NFASC: variants seen among roughly 807,000 people sequenced by gnomAD.
NFASC encodes neurofascin homolog.
A neutral mutation model predicts 147.5 loss-of-function variants in NFASC; 43 were observed. The ratio of observed to expected loss-of-function variants is 0.29; its 90% CI spans 0.23 to 0.38. The LOEUF is 0.38. Ranked by LOEUF, NFASC falls within the 10% of genes least tolerant of loss-of-function variation. The pLI, the probability that NFASC is intolerant of heterozygous loss-of-function variation, is 1.00. For synonymous variants in NFASC, 622 were observed against 665.5 expected (o/e 0.93, Z 1.01); for missense variants, 1,320 against 1,689.0 (o/e 0.78, Z 3.83).
At chr1:204,857,134 GT>G (rs1238290149) in intron 1 of NFASC, among the ~76,000 whole-genome samples, 1 of 152,314 alleles carries the variant, frequency 6.6e-6, no homozygotes, top group African/African-American at 2.4e-5. Flanking sequence ...ACCATGTTAT[GT>G]TCCCACCAGC....
Position 204,968,361 on chromosome 1 carries a change from G to T in NFASC, c.818+1G>T. 1 of 1,612,058 alleles carries T rather than the reference G, an allele frequency of 6.2e-7. No individual in the cohort carries two copies. Among genetic ancestry groups the T allele is most frequent in the Non-Finnish European group, 8.5e-7 (1 of 1,178,106 alleles). On this transcript the variant is annotated splice_donor_variant, in intron 9 of 29. Coordinates refer to ENST00000339876, the MANE Select transcript of NFASC (RefSeq NM_001005388.3). LOFTEE classifies it high-confidence loss of function. This position sits in a 1 kb window ranked among gnomAD's most constrained non-coding sequence, Gnocchi z 5.4. The stretch of plus-strand genomic sequence containing the variant: ...TGCTGGAATGCATCGCCTCCGGGGT[G>T]TATGTGCGGTTTGCAGCCCCTCTTC...
chr1:204,996,068 AAT>A (rs1431248100), intron 24 of NFASC, among the ~76,000 whole-genome samples: 4 of 152,144 alleles, frequency 2.6e-5, no homozygotes, highest in African/African-American at 9.6e-5. Context: ...AGCTTTAGCA[AAT>A]ATTAGATCTG....
chr1:204,870,682 C>G, intron 1 of NFASC: 1 of 1,080,258 alleles, frequency 9.3e-7, no homozygotes, highest in Non-Finnish European at 1.1e-6. Flanking sequence ...AGCGAGTGAG[C>G]AAGCCGGCCG....
chr1:204,995,741 G>T (rs1308307774), intron 24 of NFASC, among the ~76,000 whole-genome samples: 1 of 152,070 alleles, frequency 6.6e-6, no homozygotes, highest in Admixed American at 6.5e-5. Flanking sequence ...GGAATGAAAG[G>T]GCTTTTGCTG....
intron 27 of NFASC, chr1:205,008,599 C>A (rs72755537): frequency 0.067 from 10,242 of 152,686 alleles, 467 homozygotes; most frequent in South Asian, 0.13. Context: ...ACCACACCCC[C>A]CCTCCCAAAC....
chr1:204,909,493 T>C (rs1195109929), intron 1 of NFASC, among the ~76,000 whole-genome samples: 3 of 152,242 alleles, frequency 2.0e-5, no homozygotes, highest in African/African-American at 7.2e-5. Context: ...TCACATATTC[T>C]AGAACTAGTT....
intron 1 of NFASC, among the ~76,000 whole-genome samples, chr1:204,863,826 T>C (rs1048542343): frequency 9.8e-5 from 12 of 121,922 alleles, no homozygotes; most frequent in African/African-American, 3.9e-4. Flanking sequence ...CCAGCCTAGG[T>C]GAAAAAGCAA....
chr1:204,885,820 A>G (rs975872513), intron 1 of NFASC, among the ~76,000 whole-genome samples: 32 of 152,176 alleles, frequency 2.1e-4, no homozygotes, highest in African/African-American at 7.0e-4. Context: ...TGGTGAGACT[A>G]TTCCACTCCT....
chr1:205,008,594 AC>A (rs36043149), intron 27 of NFASC: 59,176 of 151,730 alleles, frequency 0.39, 12,695 homozygotes, highest in Non-Finnish European at 0.5. Context: ...TACTGACCAC[AC>A]CCCCCCTCCC....
chr1:204,996,826 T>G (rs574801966), intron 24 of NFASC, among the ~76,000 whole-genome samples: 1 of 152,274 alleles, frequency 6.6e-6, no homozygotes, highest in South Asian at 2.1e-4. Flanking sequence ...TGGCCAGTGT[T>G]TGGCCTGGGG....
intron 2 of NFASC, among the ~76,000 whole-genome samples, chr1:204,940,401 C>T (rs1449612681): frequency 2.0e-5 from 3 of 152,082 alleles, no homozygotes; most frequent in Non-Finnish European, 2.9e-5. Context: ...TGCAGTGAGC[C>T]GAGATCATGC....
intron 27 of NFASC, among the ~76,000 whole-genome samples, chr1:205,005,578 T>C (rs2096088174): frequency 6.6e-6 from 1 of 152,228 alleles, no homozygotes; most frequent in Non-Finnish European, 1.5e-5. Flanking sequence ...GAAACAAGTT[T>C]AACAGACCGA....
chr1:204,952,729 G>A (rs754900384), intron 5 of NFASC, among the ~76,000 whole-genome samples: 9 of 152,188 alleles, frequency 5.9e-5, no homozygotes, highest in African/African-American at 7.2e-5. Context: ...GATAAGCATC[G>A]GAGACATGAC....
chr1:204,895,240 C>T (rs950402648), intron 1 of NFASC, among the ~76,000 whole-genome samples: 1 of 152,166 alleles, frequency 6.6e-6, no homozygotes, highest in African/African-American at 2.4e-5. Context: ...CATATGACCC[C>T]TGCCTGTCCC....
intron 1 of NFASC, among the ~76,000 whole-genome samples, chr1:204,855,029 A>G (rs1455339754): frequency 6.6e-6 from 1 of 152,210 alleles, no homozygotes; most frequent in Non-Finnish European, 1.5e-5. Flanking sequence ...TCCTGACAGC[A>G]CTGCAAGGTA....
intron 3 of NFASC, chr1:204,944,754 C>T (rs531867218): frequency 9.7e-5 from 26 of 268,422 alleles, no homozygotes; most frequent in African/African-American, 5.6e-4. Flanking sequence ...GTGGTCTTGA[C>T]TTGCCCATGA....
chr1:204,968,168 C>A lies in NFASC; in HGVS notation c.707-81C>A. 1 of 1,023,984 alleles carries A rather than the reference C, an allele frequency of 9.8e-7. No individual in the cohort carries two copies. The highest frequency in any genetic ancestry group is 1.5e-6 in the Non-Finnish European group (1 of 650,980). 63.4% of individuals were successfully genotyped at this position (1,023,984 alleles called of 1,614,324 possible). A position where few individuals can be genotyped will look rare whatever the true frequency, so the allele number is the denominator to read the frequency against. ...TCCGGCAGGGGCGGTGATGCCACTT[C>A]TCTCTAGCCTGACAGCGTTGGCCTA... On this transcript the variant is annotated intron_variant, in intron 8 of 29. Coordinates refer to ENST00000339876, the MANE Select transcript of NFASC (RefSeq NM_001005388.3). This position sits in a 1 kb window ranked among gnomAD's most constrained non-coding sequence, Gnocchi z 5.4.
At chr1:204,952,542 G>C (rs375848651) in intron 5 of NFASC, among the ~76,000 whole-genome samples, 1 of 152,198 alleles carries the variant, frequency 6.6e-6, no homozygotes, top group East Asian at 1.9e-4. Flanking sequence ...CCTGTTGTGT[G>C]TGTGTCCGGG....
rs2095470209 is a variant in NFASC at position 204,979,309 on chromosome 1, A to T, written c.1979-53A>T. On this transcript the variant is annotated intron_variant, in intron 18 of 29. Transcript: ENST00000339876. The surrounding 1 kb of genome is among the most constrained non-coding windows in gnomAD (Gnocchi z 6.0). ...GCCAAGAAGGAAGTGCTTTTAAAGA[A>T]GACCACTGCTAACTGAGCTCCCGAA... The T allele has an allele frequency of 7.1e-7, 1 of 1,402,618 alleles. No individual in the cohort carries two copies. The highest frequency in any genetic ancestry group is 1.2e-5 in the South Asian group (1 of 86,762). 86.9% of individuals were successfully genotyped at this position (1,402,618 alleles called of 1,614,324 possible).
Sources: gnomAD v4.1 joint callset for allele counts (sites outside exome capture counted in the v4.1 genomes callset) on GRCh38, gnomAD v4.1.1 for gene constraint, Gnocchi (gnomAD v3.1) non-coding constraint, MANE v1.5 for transcripts, NCBI Gene and HGNC (gene_info 2026-07-23, HGNC 2026-07-21) for gene names.